Variants in ASAP1 observed in about 807,000 individuals in gnomAD.
ASAP1 encodes the protein ArfGAP with SH3 domain, ankyrin repeat and PH domain 1, also known as arf-GAP with SH3 domain, ANK repeat and PH domain-containing protein 1.
In ASAP1, 43 loss-of-function variants were observed where a neutral mutation model predicts 145.2. That is an observed-to-expected ratio of 0.30 (90% CI 0.23 to 0.38). The LOEUF (loss-of-function observed/expected upper bound fraction) is 0.38, where lower values mean the gene tolerates loss of function less well. Among genes scored for constraint, ASAP1 ranks in the 10% least tolerant of loss-of-function variants. The pLI, the probability that ASAP1 is intolerant of heterozygous loss-of-function variation, is 1.00. For synonymous variants in ASAP1, 546 were observed against 515.5 expected (o/e 1.06, Z -0.80); for missense variants, 1,018 against 1,355.3 (o/e 0.75, Z 3.91).
At position 130,163,070 on chromosome 8, in the gene ASAP1, T is replaced by C. The variant is rs925732708; in HGVS notation, c.910-3106A>G. 3.0e-5 allele frequency: 5 copies of C among 167,566 alleles called. No individual in the cohort carries two copies. The South Asian group carries it at 4.9e-4, about 16-fold the overall frequency. The allele number at this position is 167,566 out of a possible 1,614,324, so 10.4% of individuals were successfully genotyped here. On this transcript the variant is annotated intron_variant, in intron 11 of 29. Coordinates refer to ENST00000518721, the MANE Select transcript of ASAP1 (RefSeq NM_018482.4). ...TGGAGTTGGCAAAGGCCTGTGACAATGAGATATCTCTCAAGCCTTTCACGC... is the reference window on the plus strand; with the variant it reads ...TGGAGTTGGCAAAGGCCTGTGACAACGAGATATCTCTCAAGCCTTTCACGC...
chr8:130,115,789 A>G, intron 22 of ASAP1, 54 bp from the exon 23 acceptor site: 3 of 1,283,032 alleles, frequency 2.3e-6, no homozygotes, highest in South Asian at 1.2e-5. Context: ...AAACATCCCA[A>G]TATTATACAA....
At chr8:130,116,572 T>TAA in intron 22 of ASAP1, 106 bp downstream of exon 22, 2 of 971,054 alleles carry the variant, frequency 2.1e-6, no homozygotes, top group African/African-American at 3.3e-5. Flanking sequence ...TAGCAAGTGT[T>TAA]AAAAAAAAAT....
chr8:130,106,235 G>A (rs2097536589), intron 24 of ASAP1, among the ~76,000 whole-genome samples: 1 of 152,198 alleles, frequency 6.6e-6, no homozygotes, highest in Non-Finnish European at 1.5e-5. Flanking sequence ...AATCAAGGGT[G>A]ACAGCCTATG....
chr8:130,071,921 G>A (rs371110040), intron 27 of ASAP1, among the ~76,000 whole-genome samples: 3 of 152,142 alleles, frequency 2.0e-5, no homozygotes, highest in East Asian at 3.8e-4. Context: ...ATTAGTTTTC[G>A]TCCACAGTTG....
At chr8:130,340,638 G>A (rs1241555006) in intron 3 of ASAP1, among the ~76,000 whole-genome samples, 1 of 152,176 alleles carries the variant, frequency 6.6e-6, no homozygotes, top group African/African-American at 2.4e-5. Flanking sequence ...GTCTAAGAAA[G>A]CAGTGTGACA....
At chr8:130,348,978 G>A (rs764710696) in intron 3 of ASAP1, among the ~76,000 whole-genome samples, 2 of 152,230 alleles carry the variant, frequency 1.3e-5, no homozygotes, top group African/African-American at 2.4e-5. Context: ...GAGAGGACTC[G>A]ACGAGTGGGG....
intron 24 of ASAP1, among the ~76,000 whole-genome samples, chr8:130,106,344 T>C (rs183859061): frequency 2.8e-4 from 42 of 152,326 alleles, no homozygotes; most frequent in Non-Finnish European, 4.3e-4. Context: ...ACACCACTGA[T>C]AGGAAAATAT....
intron 22 of ASAP1, 99 bp downstream of exon 22, chr8:130,116,579 A>G (rs2097556411): frequency 1.8e-6 from 2 of 1,091,978 alleles, no homozygotes; most frequent in Non-Finnish European, 1.4e-6. Context: ...TGTTAAAAAA[A>G]AATGAATCTG....
At chr8:130,397,423 G>A (rs557663595) in intron 2 of ASAP1, among the ~76,000 whole-genome samples, 1 of 152,346 alleles carries the variant, frequency 6.6e-6, no homozygotes, top group East Asian at 1.9e-4. Context: ...TTACAGGCAT[G>A]AGCCACCATG....
At position 130,300,165 on chromosome 8, in the gene ASAP1, G is replaced by C. The variant is rs1432025802; in HGVS notation, c.186+57852C>G. Among the ~76,000 whole-genome samples, 778 of 126,396 alleles carry C rather than the reference G, an allele frequency of 6.2e-3. 5 individuals carry two copies. Among genetic ancestry groups the C allele is most frequent in the African/African-American group, 0.016 (528 of 32,808 alleles). 82.9% of individuals were successfully genotyped at this position (126,396 alleles called of 152,430 possible). ...ACACACACACACACAGAGAGAGAGA[G>C]AGAGAGAGAGAGAGAGAGAGAGCGA... is the stretch of plus-strand genomic sequence containing the variant. On this transcript the variant is annotated intron_variant, in intron 3 of 29. Coordinates refer to ENST00000518721, the MANE Select transcript of ASAP1 (RefSeq NM_018482.4).
chr8:130,068,721 G>T (rs1377154700), intron 27 of ASAP1, among the ~76,000 whole-genome samples: 1 of 152,156 alleles, frequency 6.6e-6, no homozygotes, highest in Non-Finnish European at 1.5e-5. Flanking sequence ...CCCTGAGAAG[G>T]GGGACTGTCC....
At chr8:130,216,558 C>T (rs773426033) in intron 4 of ASAP1, among the ~76,000 whole-genome samples, 2 of 152,158 alleles carry the variant, frequency 1.3e-5, no homozygotes, top group African/African-American at 2.4e-5. Flanking sequence ...ACGACTGGTC[C>T]TCTCCATTGT....
At chr8:130,430,524 G>A (rs1341922890) in intron 1 of ASAP1, among the ~76,000 whole-genome samples, 2 of 152,182 alleles carry the variant, frequency 1.3e-5, no homozygotes, top group Non-Finnish European at 2.9e-5. Flanking sequence ...GCTTTCCTCT[G>A]ACCCTGACCA....
At chr8:130,430,320 T>C (rs907370670) in intron 1 of ASAP1, among the ~76,000 whole-genome samples, 3 of 152,192 alleles carry the variant, frequency 2.0e-5, no homozygotes, top group Admixed American at 6.5e-5. Context: ...CCTGTGTGTT[T>C]GTACGTACGT....
chr8:130,322,686 T>C (rs1225629753), intron 3 of ASAP1, among the ~76,000 whole-genome samples: 1 of 152,232 alleles, frequency 6.6e-6, no homozygotes, highest in Non-Finnish European at 1.5e-5. Flanking sequence ...GTGCTTATTA[T>C]GGCAAATCCT....
At chr8:130,307,728 C>T (rs558179481) in intron 3 of ASAP1, among the ~76,000 whole-genome samples, 284 of 152,302 alleles carry the variant, frequency 1.9e-3, no homozygotes, top group African/African-American at 6.4e-3. Flanking sequence ...CCAATTCCCA[C>T]GCTCTAATTT....
At chr8:130,150,687 G>A (rs2097644116) in intron 13 of ASAP1, among the ~76,000 whole-genome samples, 2 of 151,906 alleles carry the variant, frequency 1.3e-5, no homozygotes, top group Non-Finnish European at 2.9e-5. Context: ...GAGACCAGCT[G>A]GGCAACACAG....
At chr8:130,271,758 A>C (rs1820601113) in intron 3 of ASAP1, among the ~76,000 whole-genome samples, 1 of 152,212 alleles carries the variant, frequency 6.6e-6, no homozygotes, top group African/African-American at 2.4e-5. Context: ...TCCCAATGAA[A>C]CTATACATTT....
intron 25 of ASAP1, among the ~76,000 whole-genome samples, chr8:130,085,759 A>G (rs2097491576): frequency 7.0e-6 from 1 of 143,204 alleles, no homozygotes; most frequent in South Asian, 2.3e-4. Flanking sequence ...AAAAAAAGGA[A>G]AGAGGTTCAA....
Sources: allele counts gnomAD v4.1 joint callset (sites outside exome capture counted in the v4.1 genomes callset), GRCh38; gene constraint gnomAD v4.1.1; transcripts MANE v1.5; gene names NCBI Gene and HGNC (gene_info 2026-07-23, HGNC 2026-07-21).